GEM: variants seen among roughly 807,000 people sequenced by gnomAD.
GEM encodes GTP-binding protein GEM.
A neutral mutation model predicts 33.0 loss-of-function variants in GEM; 31 were observed. The observed-to-expected ratio is 0.94, with a 90% CI of 0.71 to 1.27. The LOEUF (loss-of-function observed/expected upper bound fraction) is 1.27. Ranked by LOEUF, GEM falls within the 50% of genes most tolerant of loss-of-function variation. The pLI is 0.00. For synonymous variants in GEM, 141 were observed against 143.7 expected (o/e 0.98, Z 0.13); for missense variants, 354 against 390.5 (o/e 0.91, Z 0.79).
intron 2 of GEM, among the ~76,000 whole-genome samples, chr8:94,253,332 C>T (rs1248964230): frequency 1.3e-5 from 2 of 152,206 alleles, no homozygotes; most frequent in African/African-American, 2.4e-5. Flanking sequence ...ACGTCTCTCT[C>T]GAACATGTGT....
At chr8:94,260,919 C>G (rs1809008533) in intron 1 of GEM, 1 of 167,190 alleles carries the variant, frequency 6.0e-6, no homozygotes, top group Non-Finnish European at 1.3e-5. Flanking sequence ...TGCTGGGGAC[C>G]AGCTGGTCAG....
intron 2 of GEM, among the ~76,000 whole-genome samples, chr8:94,258,417 G>C (rs1350395939): frequency 1.3e-5 from 2 of 151,982 alleles, no homozygotes; most frequent in Non-Finnish European, 2.9e-5. Flanking sequence ...CATTACTAGG[G>C]GGCATGGTAT....
At position 94,250,106 on chromosome 8, in the gene GEM, A is replaced by C. The variant is rs1380535125; in HGVS notation, c.*204T>G. On this transcript the variant is annotated 3_prime_UTR_variant, in exon 5 of 5. Coordinates refer to ENST00000297596, the MANE Select transcript of GEM (RefSeq NM_005261.4). ...TCTTGGGTGTTCAAATAGCAAGGTC[A>C]GGCTTTTCCTGGAAATAAATACTGA... 1 of 571,416 alleles carries C rather than the reference A, an allele frequency of 1.8e-6. No homozygotes were observed. Among genetic ancestry groups the C allele is most frequent in the Non-Finnish European group, 3.1e-6 (1 of 325,136 alleles). The allele number at this position is 571,416 out of a possible 1,614,324, so 35.4% of individuals were successfully genotyped here.
chr8:94,251,010 C>G (rs1365982578), intron 4 of GEM, among the ~76,000 whole-genome samples: 1 of 152,182 alleles, frequency 6.6e-6, no homozygotes, highest in East Asian at 1.9e-4. Flanking sequence ...AGGGGAGTCT[C>G]CTCTGCAGGT....
At position 94,252,031 on chromosome 8, in the gene GEM, C is replaced by G; in HGVS notation, c.601G>C (p.Val201Leu). Residue 201 changes from valine to leucine, a missense_variant, in exon 4 of 5, where the codon GTG (valine) becomes CTG (leucine). By Grantham distance (32) the Val-to-Leu change is conservative. Coordinates refer to ENST00000297596, the MANE Select transcript of GEM (RefSeq NM_005261.4). The stretch of plus-strand genomic sequence containing the variant: ...CTGCTCCTCTTACCTGATACAGACA[C>G]TTCTCGGCACCGCACTAAGTCACTT... ...NKSDLVRCRE[V>L]SVSEGRACAV... 2 of 1,612,786 alleles carry G rather than the reference C, an allele frequency of 1.2e-6. No individual in the cohort carries two copies. Among genetic ancestry groups the G allele is most frequent in the Non-Finnish European group, 1.7e-6 (2 of 1,178,740 alleles).
At chr8:94,250,655 G>A (rs1415733220) in intron 4 of GEM, 68 bp from the exon 5 acceptor site, 1 of 1,367,664 alleles carries the variant, frequency 7.3e-7, no homozygotes, top group Non-Finnish European at 1.0e-6. Flanking sequence ...AGTCAAGCTG[G>A]ATGGTTCTTC....
rs1808983981 is a variant in GEM, at chr8:94,260,217, G to A, written c.287C>T (p.Ala96Val). The change falls in exon 2 of 5, where the codon GCA becomes GTA. Residue 96 changes from alanine to valine, a missense_variant. Coordinates refer to ENST00000297596, the MANE Select transcript of GEM (RefSeq NM_005261.4). ...VGKSTLANIF[A>V]GVHDSMDSDC... Reference sequence around the variant, plus strand: ...GCTGTCCATGCTGTCATGCACACCTGCAAAGATGTTGGCCAGAGTGGACTT... The same window carrying A: ...GCTGTCCATGCTGTCATGCACACCTACAAAGATGTTGGCCAGAGTGGACTT... The A allele has an allele frequency of 8.1e-6, 13 of 1,611,186 alleles. No homozygotes were observed. The highest frequency in any genetic ancestry group is 1.1e-5 in the Non-Finnish European group (13 of 1,177,606).
At chr8:94,261,604 C>A (rs922576898) in intron 1 of GEM, among the ~76,000 whole-genome samples, 1 of 152,266 alleles carries the variant, frequency 6.6e-6, no homozygotes, top group East Asian at 1.9e-4. Flanking sequence ...GTCAAGTGAT[C>A]CTCCTGCCTC....
chr8:94,253,628 T>C (rs1047811163), intron 2 of GEM, among the ~76,000 whole-genome samples: 3 of 151,734 alleles, frequency 2.0e-5, no homozygotes, highest in African/African-American at 4.8e-5. Flanking sequence ...CTTGAGACTC[T>C]CCCTGTTTTG....
rs959289817 is a variant in GEM, at chr8:94,250,131, A to G, written c.*179T>C. 23 of 595,778 alleles carry G rather than the reference A, an allele frequency of 3.9e-5. No homozygotes were observed. The highest frequency in any genetic ancestry group is 2.4e-5 in the South Asian group (1 of 41,556). The allele number at this position is 595,778 out of a possible 1,614,324, so 36.9% of individuals were successfully genotyped here. A position where few individuals can be genotyped will look rare whatever the true frequency, so the allele number is the denominator to read the frequency against. ...AGGCTTTTCCTGGAAATAAATACTG[A>G]CTTTTTACAAAAATCTTTCATTTCC... On this transcript the variant is annotated 3_prime_UTR_variant, in exon 5 of 5. Coordinates refer to ENST00000297596, the MANE Select transcript of GEM (RefSeq NM_005261.4).
chr8:94,256,500 C>A (rs1042193141), intron 2 of GEM, among the ~76,000 whole-genome samples: 1 of 152,164 alleles, frequency 6.6e-6, no homozygotes, highest in Non-Finnish European at 1.5e-5. Context: ...GTGTGTGAAA[C>A]CCGCCCAAGT....
intron 2 of GEM, 176 bp downstream of exon 2, chr8:94,259,997 A>C: frequency 1.8e-6 from 1 of 544,556 alleles, no homozygotes; most frequent in Non-Finnish European, 3.3e-6. Context: ...AAGCATTTTC[A>C]TTTTCTTGCC....
At chr8:94,250,650 A>G (rs1364067218) in intron 4 of GEM, 63 bp from the exon 5 acceptor site, 2 of 1,396,660 alleles carry the variant, frequency 1.4e-6, no homozygotes, top group African/African-American at 1.4e-5. Flanking sequence ...CACACAGTCA[A>G]GCTGGATGGT....
rs1809041206 is a variant in GEM at position 94,262,298 on chromosome 8, C to G, written c.-218G>C. ...ACGAGCGGGGAGTGCTGCGCTGTGC[C>G]CGCCGTCCTTGCCCGCCGCCTGCAG... On this transcript the variant is annotated 5_prime_UTR_variant, in exon 1 of 5. Transcript: ENST00000297596. 1 of 152,192 alleles carries G rather than the reference C, an allele frequency of 6.6e-6. No individual in the cohort carries two copies. The highest frequency in any genetic ancestry group is 2.1e-4 in the South Asian group (1 of 4,824). The allele number at this position is 152,192 out of a possible 1,614,324, so 9.4% of individuals were successfully genotyped here.
rs144937802 is a variant in GEM, at chr8:94,261,413, C to A, written c.-10+677G>T. Among the ~76,000 whole-genome samples the A allele has an allele frequency of 3.3e-3, 496 of 152,360 alleles. 1 individual carries two copies. Among genetic ancestry groups the A allele is most frequent in the African/African-American group, 0.012 (483 of 41,582 alleles). On this transcript the variant is annotated intron_variant, in intron 1 of 4. Transcript: ENST00000297596. ...CCAGGCTGGAGTGCAGTGGCACGATCATAGCTCACTGTAGCTAGCCTCCAA... is the reference window on the plus strand; with the variant it reads ...CCAGGCTGGAGTGCAGTGGCACGATAATAGCTCACTGTAGCTAGCCTCCAA...
In GEM at chr8:94,250,291, T is replaced by C. The variant is rs975050480; in HGVS notation, c.*19A>G. The C allele has an allele frequency of 1.3e-6, 2 of 1,594,258 alleles. No individual in the cohort carries two copies. The highest frequency in any genetic ancestry group is 1.7e-6 in the Non-Finnish European group (2 of 1,167,406). ...TTCAACAACGGCCATCAAAGGGACATCTGGGTGACCCTGGGTTCCTAGAGT... is the reference window on the plus strand; with the variant it reads ...TTCAACAACGGCCATCAAAGGGACACCTGGGTGACCCTGGGTTCCTAGAGT... On this transcript the variant is annotated 3_prime_UTR_variant, in exon 5 of 5. Transcript: ENST00000297596.
chr8:94,255,699 C>T (rs1243217727), intron 2 of GEM, among the ~76,000 whole-genome samples: 1 of 152,140 alleles, frequency 6.6e-6, no homozygotes. Context: ...AAATCTGCTT[C>T]CAGTAAAGGT....
intron 4 of GEM, 142 bp downstream of exon 4, chr8:94,251,877 T>C: frequency 1.5e-6 from 1 of 669,618 alleles, no homozygotes; most frequent in East Asian, 2.7e-5. Context: ...TGTAGGAGTC[T>C]GAGAAACACA....
At position 94,260,386 on chromosome 8, in the gene GEM, A is replaced by C. The variant is rs755579538; in HGVS notation, c.118T>G (p.Tyr40Asp). The change falls in exon 2 of 5, where the codon TAC becomes GAC. Residue 40 changes from tyrosine to aspartate, a missense_variant. By Grantham distance (160) the Tyr-to-Asp change is radical (BLOSUM62 -3). Coordinates refer to ENST00000297596, the MANE Select transcript of GEM (RefSeq NM_005261.4). The part of the protein sequence containing the change: ...HLMVQKEPHQ[Y>D]SHRNRHSATP... ...GCAGAATGGCGGTTGCGGTGGCTGTACTGGTGGGGCTCTTTCTGGACCATC... is the reference window on the plus strand; with the variant it reads ...GCAGAATGGCGGTTGCGGTGGCTGTCCTGGTGGGGCTCTTTCTGGACCATC... 3.7e-6 allele frequency: 6 copies of C among 1,614,012 alleles called. No individual in the cohort carries two copies. In the South Asian group the frequency reaches 6.6e-5, roughly 18 times the overall value.
Sources: gnomAD v4.1 joint callset for allele counts (sites outside exome capture counted in the v4.1 genomes callset) on GRCh38, gnomAD v4.1.1 for gene constraint, MANE v1.5 for transcripts, NCBI Gene and HGNC (gene_info 2026-07-23, HGNC 2026-07-21) for gene names.